Variants in CFAP54 observed in about 807,000 individuals in gnomAD.
CFAP54 encodes the protein cilia- and flagella-associated protein 54.
In CFAP54, 290 loss-of-function variants were observed where a neutral mutation model predicts 370.4. The observed-to-expected ratio is 0.78, with a 90% CI of 0.71 to 0.86. CFAP54 has a LOEUF of 0.86. CFAP54 is among the 40% of genes least tolerant of loss of function. The probability of loss-of-function intolerance (pLI) is 0.00; values close to 1 mark genes in which losing one functional copy is unlikely to be tolerated. For missense variants in CFAP54, 3,399 were observed against 3,528.7 expected (o/e 0.96, Z 0.93); for synonymous variants, 1,206 against 1,236.5 (o/e 0.98, Z 0.52).
intron 50 of CFAP54, among the ~76,000 whole-genome samples, chr12:96,721,192 GTTTTCT>G (rs1323451592): frequency 6.6e-6 from 1 of 152,058 alleles, no homozygotes; most frequent in African/African-American, 2.4e-5. Flanking sequence ...GCTATGGAGT[GTTTTCT>G]TTTTTTCTAA....
intron 19 of CFAP54, among the ~76,000 whole-genome samples, chr12:96,575,509 C>A (rs999075162): frequency 6.6e-6 from 1 of 151,990 alleles, no homozygotes; most frequent in African/African-American, 2.4e-5. Context: ...TTCCAGAGTG[C>A]TTAAAATGAA....
intron 66 of CFAP54, among the ~76,000 whole-genome samples, chr12:96,843,733 G>T (rs1744964175): frequency 6.6e-6 from 1 of 152,022 alleles, no homozygotes; most frequent in Non-Finnish European, 1.5e-5. Flanking sequence ...CAGTTTGCCG[G>T]GCACAATCAC....
rs576433720 is a variant in CFAP54 at position 96,536,667 on chromosome 12, C to T, written c.1791+1067C>T. The stretch of plus-strand genomic sequence containing the variant: ...TTTGAGACAGAGTCTCACTCTGTCA[C>T]CCATGCTGGAGTGCAGTGGTGCGAT... On this transcript the variant is annotated intron_variant, in intron 12 of 67. Coordinates refer to ENST00000524981, the MANE Select transcript of CFAP54 (RefSeq NM_001306084.2). Among the ~76,000 whole-genome samples, 40 of 148,262 alleles carry T rather than the reference C, an allele frequency of 2.7e-4. No homozygotes were observed. In the South Asian group the frequency reaches 8.3e-3, roughly 31 times the overall value.
intron 40 of CFAP54, among the ~76,000 whole-genome samples, chr12:96,681,122 C>CCG (rs974237244): frequency 1.2e-5 from 1 of 84,706 alleles, no homozygotes; most frequent in South Asian, 4.0e-4. Flanking sequence ...CACCCCCCCA[C>CCG]ACACACACAC....
At chr12:96,553,265 A>T (rs1415352657) in intron 15 of CFAP54, among the ~76,000 whole-genome samples, 1 of 152,176 alleles carries the variant, frequency 6.6e-6, no homozygotes, top group African/African-American at 2.4e-5. Context: ...CAGCAGGAAT[A>T]AGTTTCAACA....
chr12:96,527,341 T>C lies in CFAP54; in HGVS notation c.1254T>C (p.Asp418=). ...TGGCTGTCTTGGAAGCTCTTTCTGA[T>C]TCAAATAGGCGAATACTGCAAACTG... ...QFLAVLEALS[D]SNRRILQTGP... is the part of the protein sequence containing the mutation. Residue 418 remains aspartate, a synonymous_variant, in exon 9 of 68, where the codon GAT becomes GAC. Transcript: ENST00000524981. 6.5e-7 allele frequency: 1 copy of C among 1,536,076 alleles called. No homozygotes were observed. The highest frequency in any genetic ancestry group is 8.7e-7 in the Non-Finnish European group (1 of 1,146,840).
chr12:96,688,860 CA>C, intron 42 of CFAP54, 55 bp from the exon 43 acceptor site: 1 of 984,066 alleles, frequency 1.0e-6, no homozygotes, highest in South Asian at 1.5e-5. Flanking sequence ...ACATTTATAT[CA>C]AAATGTTTTT....
chr12:96,511,701 C>G (rs1207026754), intron 4 of CFAP54, among the ~76,000 whole-genome samples: 1 of 152,192 alleles, frequency 6.6e-6, no homozygotes, highest in African/African-American at 2.4e-5. Flanking sequence ...CCAGGCTGGT[C>G]TCGAATTCCT....
intron 17 of CFAP54, among the ~76,000 whole-genome samples, chr12:96,558,114 T>C (rs1340405243): frequency 6.6e-6 from 1 of 152,186 alleles, no homozygotes; most frequent in East Asian, 1.9e-4. Flanking sequence ...AATGTTCCAG[T>C]TCTGGTGCTG....
intron 67 of CFAP54, among the ~76,000 whole-genome samples, chr12:96,870,691 T>C (rs1960136717): frequency 6.6e-6 from 1 of 152,156 alleles, no homozygotes; most frequent in African/African-American, 2.4e-5. Flanking sequence ...TTTGGTTTGG[T>C]TTTTTTATGG....
chr12:96,788,133 C>T lies in CFAP54; in HGVS notation c.8679+1235C>T, dbSNP rs539203452. Among the ~76,000 whole-genome samples, 3 of 152,186 alleles carry T rather than the reference C, an allele frequency of 2.0e-5. No individual in the cohort carries two copies. The East Asian group carries it at 5.8e-4, about 29-fold the overall frequency. On this transcript the variant is annotated intron_variant, in intron 62 of 67. Coordinates refer to ENST00000524981, the MANE Select transcript of CFAP54 (RefSeq NM_001306084.2). ...AAGAGATGGCTGTAAAACATATTTG[C>T]TTAAGTAACACTGAAAACAACAACA...
intron 9 of CFAP54, among the ~76,000 whole-genome samples, chr12:96,530,087 C>T (rs1955425701): frequency 6.6e-6 from 1 of 152,156 alleles, no homozygotes; most frequent in South Asian, 2.1e-4. Flanking sequence ...AGATAACTTC[C>T]TTTAGTTGGC....
At chr12:96,770,662 G>A (rs1369385212) in intron 60 of CFAP54, among the ~76,000 whole-genome samples, 1 of 152,204 alleles carries the variant, frequency 6.6e-6, no homozygotes, top group Non-Finnish European at 1.5e-5. Flanking sequence ...CTCAGGAAGT[G>A]CCAGATAATA....
At position 96,821,555 on chromosome 12, in the gene CFAP54, A is replaced by C. The variant is rs78086587; in HGVS notation, c.9096+3642A>C. Reference sequence around the variant, plus strand: ...GATATTTTCTGGCTCCGTTAGTTCTATATATGGAAGAATATCACCAGACAG... The same window carrying C: ...GATATTTTCTGGCTCCGTTAGTTCTCTATATGGAAGAATATCACCAGACAG... On this transcript the variant is annotated intron_variant, in intron 65 of 67. Transcript: ENST00000524981. 5.0e-3 allele frequency among the ~76,000 whole-genome samples: 765 copies of C among 152,284 alleles called. 1 individual carries two copies. The highest frequency in any genetic ancestry group is 8.9e-3 in the Non-Finnish European group (602 of 68,022).
chr12:96,680,120 C>A (rs1251766905), intron 40 of CFAP54, among the ~76,000 whole-genome samples: 1 of 152,154 alleles, frequency 6.6e-6, no homozygotes, highest in Non-Finnish European at 1.5e-5. Context: ...TTAACTAGAA[C>A]CTTTTGCCAA....
At chr12:96,844,076 A>G (rs961481669) in intron 66 of CFAP54, among the ~76,000 whole-genome samples, 9 of 152,214 alleles carry the variant, frequency 5.9e-5, no homozygotes, top group African/African-American at 2.2e-4. Flanking sequence ...CAAATATTAT[A>G]TTTTTATTGA....
intron 61 of CFAP54, among the ~76,000 whole-genome samples, chr12:96,786,048 C>G (rs1456002445): frequency 1.3e-5 from 2 of 152,124 alleles, no homozygotes; most frequent in African/African-American, 4.8e-5. Flanking sequence ...CTTGAAATGA[C>G]TTTTCAAATA....
chr12:96,760,314 A>AT (rs1028405948), intron 58 of CFAP54, among the ~76,000 whole-genome samples: 35 of 152,276 alleles, frequency 2.3e-4, no homozygotes, highest in African/African-American at 8.2e-4. Flanking sequence ...AAATTAATGC[A>AT]TTTTAAGACT....
chr12:96,708,742 A>G lies in CFAP54; in HGVS notation c.6663A>G (p.Pro2221=). 6.2e-7 allele frequency: 1 copy of G among 1,612,306 alleles called. No individual in the cohort carries two copies. Among genetic ancestry groups the G allele is most frequent in the Non-Finnish European group, 8.5e-7 (1 of 1,179,416 alleles). ...TGGCTGCGACAATAAATTGTGTCCC[A>G]GAAAATAAATTTAAGACAGTAATTA... ...LSVAATINCV[P]ENKFKTVITN... is the part of the protein sequence containing the mutation. The change falls in exon 48 of 68, where the codon CCA becomes CCG. Residue 2221 remains proline (P), a synonymous_variant. Coordinates refer to ENST00000524981, the MANE Select transcript of CFAP54 (RefSeq NM_001306084.2).
Sources: gnomAD v4.1 joint callset for allele counts (sites outside exome capture counted in the v4.1 genomes callset) on GRCh38, gnomAD v4.1.1 for gene constraint, MANE v1.5 for transcripts, NCBI Gene and HGNC (gene_info 2026-07-23, HGNC 2026-07-21) for gene names.